HAS2: variants seen among roughly 807,000 people sequenced by gnomAD.
The protein encoded by HAS2 is hyaluronan synthase 2, also known as HA synthase 2.
Under a neutral mutation model 51.6 loss-of-function variants are expected in HAS2, and 16 were observed. The observed-to-expected ratio is 0.31, with a 90% confidence interval of 0.21 to 0.47. The LOEUF (loss-of-function observed/expected upper bound fraction) is 0.47. HAS2 is among the 20% of genes least tolerant of loss of function. HAS2 has a pLI of 1.00. For synonymous variants in HAS2, 228 were observed against 235.5 expected, an observed-to-expected ratio of 0.97 and a Z score of 0.29; for missense variants, 361 against 662.6, an observed-to-expected ratio of 0.54 and a Z score of 5.00.
Position 121,621,604 on chromosome 8 carries a change from G to C in HAS2, c.628-4398C>G, listed in dbSNP as rs76328111. ...GCTCAGTAGCAACAATCACTAATAGGAACATAGGAATTGATTACATATACA... is the reference window on the plus strand; with the variant it reads ...GCTCAGTAGCAACAATCACTAATAGCAACATAGGAATTGATTACATATACA... On this transcript the variant is annotated intron_variant, in intron 2 of 3. Coordinates refer to ENST00000303924, the MANE Select transcript of HAS2 (RefSeq NM_005328.3). 2.7e-3 allele frequency among the ~76,000 whole-genome samples: 418 copies of C among 152,190 alleles called. 3 individuals are homozygous for C. The highest frequency in any genetic ancestry group is 9.7e-3 in the African/African-American group (402 of 41,530).
chr8:121,632,764 T>TC (rs1812950936), intron 1 of HAS2, among the ~76,000 whole-genome samples: 1 of 99,492 alleles, frequency 1.0e-5, no homozygotes, highest in African/African-American at 3.5e-5. Context: ...TCATCATCAT[T>TC]ATTATAATGG....
chr8:121,641,159 T>TTTC lies in HAS2; in HGVS notation c.-308_-307insGAA, dbSNP rs386413850. 62 of 18,992 alleles carry TTTC rather than the reference T, an allele frequency of 3.3e-3. No individual in the cohort carries two copies. Among genetic ancestry groups the TTTC allele is most frequent in the Middle Eastern group, 0.024 (1 of 42 alleles). The allele number at this position is 18,992 out of a possible 1,614,324, so 1.2% of individuals were successfully genotyped here. A position where few individuals can be genotyped will look rare whatever the true frequency, so the allele number is the denominator to read the frequency against. ...AACTTTTCTTTTTTCTTTTCTTTTCTTTTTTTTTTTTTTTTTTTTTTGGGC... is the reference window on the plus strand; with the variant it reads ...AACTTTTCTTTTTTCTTTTCTTTTCTTTCTTTTTTTTTTTTTTTTTTTTTGGGC... On this transcript the variant is annotated 5_prime_UTR_variant, in exon 1 of 4. Coordinates refer to ENST00000303924, the MANE Select transcript of HAS2 (RefSeq NM_005328.3).
chr8:121,625,097 CAAAAAAAAAAAA>C (rs537345385), intron 2 of HAS2, among the ~76,000 whole-genome samples: 1 of 57,954 alleles, frequency 1.7e-5, no homozygotes, highest in Non-Finnish European at 3.4e-5. Context: ...GACTCCGTCT[CAAAAAAAAAAAA>C]AAAAAAAAAA....
chr8:121,641,153 C>CTTTTTTT lies in HAS2; in HGVS notation c.-302_-301insAAAAAAA, dbSNP rs1209985524. ...TAAATTAACTTTTCTTTTTTCTTTTCTTTTCTTTTTTTTTTTTTTTTTTTT... is the reference window on the plus strand; with the variant it reads ...TAAATTAACTTTTCTTTTTTCTTTTCTTTTTTTTTTTCTTTTTTTTTTTTTTTTTTTT... On this transcript the variant is annotated 5_prime_UTR_variant, in exon 1 of 4. Transcript: ENST00000303924. 2.2e-5 allele frequency: 1 copy of CTTTTTTT among 44,586 alleles called. No individual in the cohort carries two copies. Among genetic ancestry groups the CTTTTTTT allele is most frequent in the Non-Finnish European group, 3.9e-5 (1 of 25,622 alleles). The allele number at this position is 44,586 out of a possible 1,614,324, so 2.8% of individuals were successfully genotyped here.
Position 121,635,854 on chromosome 8 carries a change from A to C in HAS2, c.-1+4999T>G, listed in dbSNP as rs547156644. ...CTCATGTTGTATGGGAGAAGGGGCCATAGGCCTTAAATCATATGCATGATA... is the reference window on the plus strand; with the variant it reads ...CTCATGTTGTATGGGAGAAGGGGCCCTAGGCCTTAAATCATATGCATGATA... On this transcript the variant is annotated intron_variant, in intron 1 of 3. Transcript: ENST00000303924. Among the ~76,000 whole-genome samples, 18 of 152,334 alleles carry C rather than the reference A, an allele frequency of 1.2e-4. No individual in the cohort carries two copies. The East Asian group carries it at 3.3e-3, about 28-fold the overall frequency.
At chr8:121,633,973 C>T (rs139972483) in intron 1 of HAS2, among the ~76,000 whole-genome samples, 2,550 of 150,512 alleles carry the variant, frequency 0.017, 72 homozygotes, top group African/African-American at 0.059. Flanking sequence ...TGCAATGGCA[C>T]GATCTTGGCT....
chr8:121,632,595 G>A (rs578065487), intron 1 of HAS2, among the ~76,000 whole-genome samples: 2 of 152,070 alleles, frequency 1.3e-5, no homozygotes, highest in African/African-American at 2.4e-5. Flanking sequence ...ATACTATAAT[G>A]TATATCATTA....
In HAS2 at chr8:121,614,502, A is replaced by G. The variant is rs1177212347; in HGVS notation, c.1266T>C (p.Ser422=). ...TATTTCCTCTAAGGCAGCTGGCAAA[A>G]GATGATTTTATGAGACCTACTAGCT... is the stretch of plus-strand genomic sequence containing the variant. ...TVQLVGLIKS[S]FASCLRGNIV... is the part of the protein sequence containing the mutation. The change falls in exon 4 of 4, where the codon TCT becomes TCC. Residue 422 remains serine (S), a synonymous_variant. Transcript: ENST00000303924. This position sits in a 1 kb window ranked among gnomAD's most constrained non-coding sequence, Gnocchi z 7.2. The G allele has an allele frequency of 1.9e-6, 3 of 1,614,024 alleles. No individual in the cohort carries two copies. Among genetic ancestry groups the G allele is most frequent in the Non-Finnish European group, 1.7e-6 (2 of 1,179,972 alleles).
intron 2 of HAS2, among the ~76,000 whole-genome samples, chr8:121,627,690 C>T (rs1005478168): frequency 6.6e-6 from 1 of 152,236 alleles, no homozygotes; most frequent in Non-Finnish European, 1.5e-5. Context: ...GAACTTTGGT[C>T]AACTGACTCT....
rs769369242 is a variant in HAS2, at chr8:121,614,414, T to C, written c.1354A>G (p.Met452Val). ...LYMSSLLPAK[M>V]FAIATINKAG... ...TTGTTTATTGTTGCAATTGCAAACA[T>C]CTTGGCGGGAAGTAAACTCGACATG... The change falls in exon 4 of 4, where the codon ATG (methionine) becomes GTG (valine). Residue 452 changes from methionine to valine, a missense_variant. Transcript: ENST00000303924. This position sits in a 1 kb window ranked among gnomAD's most constrained non-coding sequence, Gnocchi z 7.2. 1.9e-6 allele frequency: 3 copies of C among 1,614,160 alleles called. No individual in the cohort carries two copies. In the South Asian group the frequency reaches 3.3e-5, roughly 18 times the overall value.
At chr8:121,634,176 C>T (rs549893952) in intron 1 of HAS2, among the ~76,000 whole-genome samples, 183 of 152,216 alleles carry the variant, frequency 1.2e-3, no homozygotes, top group Non-Finnish European at 2.4e-3. Context: ...CTCCTGACCT[C>T]AGGTGATCCA....
chr8:121,615,181 AT>A, intron 3 of HAS2, 143 bp from the exon 4 acceptor site: 1 of 603,446 alleles, frequency 1.7e-6, no homozygotes, highest in Non-Finnish European at 2.9e-6. Flanking sequence ...TGGCGTGGTT[AT>A]TTTATGTTTT....
At chr8:121,620,946 A>T (rs971922264) in intron 2 of HAS2, among the ~76,000 whole-genome samples, 1 of 152,176 alleles carries the variant, frequency 6.6e-6, no homozygotes, top group African/African-American at 2.4e-5. Context: ...TATTGGATGC[A>T]TGCTGTATCA....
chr8:121,626,414 T>C (rs1429443958), intron 2 of HAS2, among the ~76,000 whole-genome samples: 1 of 152,138 alleles, frequency 6.6e-6, no homozygotes, highest in Non-Finnish European at 1.5e-5. Context: ...AACCAATCCT[T>C]TTGGCCATCT....
In HAS2 at chr8:121,618,460, A is replaced by T. The variant is rs142802050; in HGVS notation, c.628-1254T>A. 6.2e-3 allele frequency among the ~76,000 whole-genome samples: 948 copies of T among 152,226 alleles called. 8 individuals are homozygous for T. The highest frequency in any genetic ancestry group is 0.021 in the African/African-American group (852 of 41,514). On this transcript the variant is annotated intron_variant, in intron 2 of 3. Transcript: ENST00000303924. ...CCTTATTCCTTCCACACTCACTAAT[A>T]AGATTAAGTCACTCCTTTTCTCTTA... is the stretch of plus-strand genomic sequence containing the variant.
At position 121,625,205 on chromosome 8, in the gene HAS2, A is replaced by C. The variant is rs549980569; in HGVS notation, c.627+3509T>G. Among the ~76,000 whole-genome samples, 4 of 152,072 alleles carry C rather than the reference A, an allele frequency of 2.6e-5. No individual in the cohort carries two copies. In the East Asian group the frequency reaches 7.9e-4, roughly 30 times the overall value. ...CATAATCCCAAAGTGTTCTAAAAAC[A>C]AGGGAAAAAACAGAAAAATATACAT... On this transcript the variant is annotated intron_variant, in intron 2 of 3. Coordinates refer to ENST00000303924, the MANE Select transcript of HAS2 (RefSeq NM_005328.3).
intron 2 of HAS2, among the ~76,000 whole-genome samples, chr8:121,622,933 T>G (rs1812792288): frequency 6.6e-6 from 1 of 151,598 alleles, no homozygotes; most frequent in South Asian, 2.1e-4. Context: ...TTGAAATTAA[T>G]GAGTAAAACC....
intron 2 of HAS2, among the ~76,000 whole-genome samples, chr8:121,625,843 T>C (rs1418309573): frequency 6.6e-6 from 1 of 152,108 alleles, no homozygotes; most frequent in African/African-American, 2.4e-5. Context: ...TTTCTCAATT[T>C]ATTTTTTCCC....
At chr8:121,618,410 G>A (rs1812734797) in intron 2 of HAS2, among the ~76,000 whole-genome samples, 1 of 152,044 alleles carries the variant, frequency 6.6e-6, no homozygotes, top group Non-Finnish European at 1.5e-5. Flanking sequence ...ACTCCCAAAA[G>A]CCGGGCAGAA....
Sources: allele counts gnomAD v4.1 joint callset (sites outside exome capture counted in the v4.1 genomes callset), GRCh38; gene constraint gnomAD v4.1.1; non-coding constraint Gnocchi (gnomAD v3.1); transcripts MANE v1.5; gene names NCBI Gene and HGNC (gene_info 2026-07-23, HGNC 2026-07-21).